Variants in NEGR1 observed in about 807,000 individuals in gnomAD.
NEGR1 encodes IgLON family member 4.
In NEGR1, 10 loss-of-function variants were observed where a neutral mutation model predicts 40.9. That is an observed-to-expected ratio of 0.24 (90% CI 0.15 to 0.42). The LOEUF (loss-of-function observed/expected upper bound fraction) is 0.42. NEGR1 is among the 10% of genes least tolerant of loss of function. The probability of loss-of-function intolerance (pLI) is 1.00; values close to 1 mark genes in which losing one functional copy is unlikely to be tolerated. For synonymous variants in NEGR1, 185 were observed against 166.8 expected (o/e 1.11, Z -0.84); for missense variants, 352 against 438.9 (o/e 0.80, Z 1.77).
chr1:71,837,411 T>A lies in NEGR1; in HGVS notation c.410-61114A>T, dbSNP rs1216679949. ...TATAGATCCCTCTCATTCCAGACCT[T>A]GTGCTTTTAGTGTGAAAATAACTTG... On this transcript the variant is annotated intron_variant, in intron 2 of 6. Coordinates refer to ENST00000357731, the MANE Select transcript of NEGR1 (RefSeq NM_173808.3). Among the ~76,000 whole-genome samples, 2 of 152,130 alleles carry A rather than the reference T, an allele frequency of 1.3e-5. 1 individual carries two copies. Among genetic ancestry groups the A allele is most frequent in the East Asian group, 3.9e-4 (2 of 5,176 alleles).
chr1:72,216,832 T>A (rs1258313321), intron 1 of NEGR1, among the ~76,000 whole-genome samples: 2 of 151,602 alleles, frequency 1.3e-5, no homozygotes, highest in African/African-American at 4.8e-5. Flanking sequence ...ATGATGATGA[T>A]TATAGAATCT....
At chr1:71,809,629 CAATT>C (rs1364942657) in intron 2 of NEGR1, among the ~76,000 whole-genome samples, 1 of 152,078 alleles carries the variant, frequency 6.6e-6, no homozygotes, top group Admixed American at 6.5e-5. Flanking sequence ...TAAAAGTAAA[CAATT>C]AAATAAATAA....
intron 6 of NEGR1, among the ~76,000 whole-genome samples, chr1:71,434,829 C>T (rs1030692953): frequency 6.6e-5 from 10 of 152,172 alleles, no homozygotes; most frequent in South Asian, 2.1e-4. Context: ...CGGTGGCTCA[C>T]GCCTGTAATC....
At chr1:72,170,359 A>T (rs1348937710) in intron 1 of NEGR1, among the ~76,000 whole-genome samples, 3 of 152,116 alleles carry the variant, frequency 2.0e-5, no homozygotes, top group Non-Finnish European at 2.9e-5. Flanking sequence ...TTATCATTTA[A>T]CACACTGTAA....
chr1:71,637,516 C>G (rs1026453610), intron 4 of NEGR1, among the ~76,000 whole-genome samples: 2 of 151,662 alleles, frequency 1.3e-5, no homozygotes, highest in African/African-American at 4.8e-5. Context: ...CTATAGATAG[C>G]AAAGCAGCAG....
intron 1 of NEGR1, among the ~76,000 whole-genome samples, chr1:72,213,313 C>A (rs1653679385): frequency 6.6e-6 from 1 of 151,820 alleles, no homozygotes; most frequent in African/African-American, 2.4e-5. Context: ...AAAACTTTTG[C>A]AAAATGGACT....
Position 72,207,575 on chromosome 1 carries a change from G to A in NEGR1, c.176+74744C>T, listed in dbSNP as rs371848578. ...CTATAGCTAGTAAGAATTCATTACT[G>A]TTCATATCCTATGTATACTATTTTA... On this transcript the variant is annotated intron_variant, in intron 1 of 6. Coordinates refer to ENST00000357731, the MANE Select transcript of NEGR1 (RefSeq NM_173808.3). Among the ~76,000 whole-genome samples, 5 of 151,790 alleles carry A rather than the reference G, an allele frequency of 3.3e-5. No homozygotes were observed. The South Asian group carries it at 6.2e-4, about 19-fold the overall frequency.
intron 2 of NEGR1, among the ~76,000 whole-genome samples, chr1:71,932,967 GA>G (rs1645869124): frequency 6.6e-6 from 1 of 152,070 alleles, no homozygotes; most frequent in Admixed American, 6.6e-5. Flanking sequence ...AATGTAATTT[GA>G]AAACCGCCTA....
At chr1:71,999,660 T>TAC (rs1257327812) in intron 1 of NEGR1, among the ~76,000 whole-genome samples, 1 of 54,380 alleles carries the variant, frequency 1.8e-5, no homozygotes, top group Non-Finnish European at 4.2e-5. Context: ...TATATATATA[T>TAC]ATATATATAT....
chr1:72,242,239 T>C (rs1354037632), intron 1 of NEGR1, among the ~76,000 whole-genome samples: 1 of 151,738 alleles, frequency 6.6e-6, no homozygotes, highest in East Asian at 1.9e-4. Context: ...TTCTACACTT[T>C]GATTTGGCAG....
chr1:71,437,052 T>C (rs574717959), intron 6 of NEGR1, among the ~76,000 whole-genome samples: 14 of 152,192 alleles, frequency 9.2e-5, no homozygotes, highest in African/African-American at 3.4e-4. Flanking sequence ...ATGTAAGCTA[T>C]AATCATAACC....
intron 1 of NEGR1, among the ~76,000 whole-genome samples, chr1:72,086,408 C>A (rs2100536247): frequency 6.6e-6 from 1 of 152,148 alleles, no homozygotes; most frequent in Non-Finnish European, 1.5e-5. Flanking sequence ...TGTTAAGTAT[C>A]CTTAAGGTGC....
At chr1:71,423,609 G>A (rs1297796765) in intron 6 of NEGR1, among the ~76,000 whole-genome samples, 2 of 152,016 alleles carry the variant, frequency 1.3e-5, no homozygotes, top group Non-Finnish European at 2.9e-5. Flanking sequence ...AAAAAATGTG[G>A]GAAAAACTAG....
rs552470761 is a variant in NEGR1 at position 71,577,776 on chromosome 1, T to C, written c.940+15041A>G. Reference sequence around the variant, plus strand: ...ACAACAATAACCTAACATAATATTTTCCAAAACTGTTAAAAGCTAGGCCTA... The same window carrying C: ...ACAACAATAACCTAACATAATATTTCCCAAAACTGTTAAAAGCTAGGCCTA... On this transcript the variant is annotated intron_variant, in intron 6 of 6. Coordinates refer to ENST00000357731, the MANE Select transcript of NEGR1 (RefSeq NM_173808.3). Among the ~76,000 whole-genome samples, 41 of 152,280 alleles carry C rather than the reference T, an allele frequency of 2.7e-4. 1 individual carries two copies. The South Asian group carries it at 3.3e-3, about 12-fold the overall frequency.
At chr1:71,679,391 T>C (rs1652755058) in intron 4 of NEGR1, among the ~76,000 whole-genome samples, 1 of 152,184 alleles carries the variant, frequency 6.6e-6, no homozygotes. Context: ...ATACTTTTCA[T>C]TTAACATCTC....
At chr1:71,668,079 C>G (rs1180631664) in intron 4 of NEGR1, among the ~76,000 whole-genome samples, 1 of 152,078 alleles carries the variant, frequency 6.6e-6, no homozygotes, top group Non-Finnish European at 1.5e-5. Flanking sequence ...TAAATACATG[C>G]TAGGAACTAA....
chr1:71,547,642 G>A (rs950955952), intron 6 of NEGR1, among the ~76,000 whole-genome samples: 1 of 151,712 alleles, frequency 6.6e-6, no homozygotes, highest in African/African-American at 2.4e-5. Context: ...TGTGGCCCCA[G>A]ACAGAAGTGA....
At chr1:71,723,013 T>G (rs1429706178) in intron 3 of NEGR1, among the ~76,000 whole-genome samples, 1 of 141,388 alleles carries the variant, frequency 7.1e-6, no homozygotes, top group East Asian at 2.3e-4. Flanking sequence ...AAAATGTACT[T>G]TTCCTAGAAA....
intron 6 of NEGR1, among the ~76,000 whole-genome samples, chr1:71,458,032 T>C (rs1419018446): frequency 6.6e-6 from 1 of 152,174 alleles, no homozygotes; most frequent in Non-Finnish European, 1.5e-5. Context: ...AAGGTAAGGC[T>C]CAAAGAAGTT....
Sources: gnomAD v4.1 joint callset for allele counts (sites outside exome capture counted in the v4.1 genomes callset) on GRCh38, gnomAD v4.1.1 for gene constraint, MANE v1.5 for transcripts, NCBI Gene and HGNC (gene_info 2026-07-23, HGNC 2026-07-21) for gene names.